UBE2K: variants seen among roughly 807,000 people sequenced by gnomAD.
UBE2K encodes the protein ubiquitin conjugating enzyme E2 K.
In UBE2K, 6 loss-of-function variants were observed where a neutral mutation model predicts 30.0. That is an observed-to-expected ratio of 0.20 (90% CI 0.11 to 0.39). The LOEUF (loss-of-function observed/expected upper bound fraction) is 0.39, where lower values mean the gene tolerates loss of function less well. Ranked by LOEUF, UBE2K falls within the 10% of genes least tolerant of loss-of-function variation. The pLI, the probability that UBE2K is intolerant of heterozygous loss-of-function variation, is 1.00. For missense variants in UBE2K, 61 were observed against 241.6 expected, an observed-to-expected ratio of 0.25 and a Z score of 4.96; for synonymous variants, 86 against 83.7, an observed-to-expected ratio of 1.03 and a Z score of -0.15.
chr4:39,769,304 T>TA (rs1417704878), intron 4 of UBE2K, among the ~76,000 whole-genome samples: 4 of 151,236 alleles, frequency 2.6e-5, no homozygotes, highest in African/African-American at 7.3e-5. Flanking sequence ...GAAAAAATCC[T>TA]AAAAAATGTT....
intron 4 of UBE2K, chr4:39,770,039 T>A: frequency 2.0e-6 from 3 of 1,468,440 alleles, no homozygotes; most frequent in Non-Finnish European, 2.7e-6. Context: ...TTTCCCCACC[T>A]AGCCCAGGGA....
intron 4 of UBE2K, chr4:39,770,652 T>C: frequency 1.9e-6 from 3 of 1,592,382 alleles, no homozygotes; most frequent in Non-Finnish European, 2.6e-6. Context: ...ATAGCAGGCC[T>C]TCACCACACC....
intron 1 of UBE2K, among the ~76,000 whole-genome samples, chr4:39,699,070 AT>A (rs1298914080): frequency 6.6e-6 from 1 of 152,238 alleles, no homozygotes. Context: ...TAACCCCCAA[AT>A]TCCTAGGCCT....
chr4:39,772,997 CT>C (rs34603997), intron 4 of UBE2K, among the ~76,000 whole-genome samples: 125,282 of 151,788 alleles, frequency 0.83, 52,217 homozygotes, highest in African/African-American at 0.93. Context: ...AGTGAGACAA[CT>C]TTTTTTAACA....
chr4:39,777,184 T>G (rs1713330081), intron 5 of UBE2K, among the ~76,000 whole-genome samples: 1 of 152,222 alleles, frequency 6.6e-6, no homozygotes, highest in Non-Finnish European at 1.5e-5. Context: ...GTTAGGACTT[T>G]GCATGTGGGG....
intron 1 of UBE2K, among the ~76,000 whole-genome samples, chr4:39,710,597 T>G (rs1471673090): frequency 6.6e-6 from 1 of 152,016 alleles, no homozygotes. Flanking sequence ...TATGGCAGCT[T>G]TATGGGATTG....
Position 39,698,220 on chromosome 4 carries a change from C to T in UBE2K, c.-108C>T. On this transcript the variant is annotated 5_prime_UTR_variant, in exon 1 of 7. Coordinates refer to ENST00000261427, the MANE Select transcript of UBE2K (RefSeq NM_005339.5). ...GTGGTAGTGGCAGTGTTCGTGTGCTCAGGTCTGAATCGCCGAGGGAGGAGG... is the reference window on the plus strand; with the variant it reads ...GTGGTAGTGGCAGTGTTCGTGTGCTTAGGTCTGAATCGCCGAGGGAGGAGG... 1.9e-6 allele frequency: 2 copies of T among 1,076,518 alleles called. No homozygotes were observed. The highest frequency in any genetic ancestry group is 2.8e-6 in the Non-Finnish European group (2 of 713,952). 66.7% of individuals were successfully genotyped at this position (1,076,518 alleles called of 1,614,324 possible).
At chr4:39,715,471 T>C (rs1719010380) in intron 1 of UBE2K, among the ~76,000 whole-genome samples, 1 of 152,028 alleles carries the variant, frequency 6.6e-6, no homozygotes. Flanking sequence ...CATGCCCGTC[T>C]GCTTTTTTGT....
chr4:39,772,153 G>A (rs376797912), intron 4 of UBE2K, among the ~76,000 whole-genome samples: 6 of 152,154 alleles, frequency 3.9e-5, no homozygotes, highest in Admixed American at 1.3e-4. Flanking sequence ...AACTTTTATC[G>A]TAGGCATCTA....
intron 4 of UBE2K, among the ~76,000 whole-genome samples, chr4:39,763,339 C>A (rs977741842): frequency 6.6e-6 from 1 of 151,608 alleles, no homozygotes; most frequent in African/African-American, 2.4e-5. Context: ...GCAACCTCCA[C>A]CTCCCGGGTG....
chr4:39,753,802 A>G (rs763805307), intron 3 of UBE2K, among the ~76,000 whole-genome samples: 2 of 152,190 alleles, frequency 1.3e-5, no homozygotes, highest in African/African-American at 2.4e-5. Flanking sequence ...TTGAGATTTC[A>G]GGAGTAGTCT....
At chr4:39,725,401 A>AAC (rs1719696500) in intron 1 of UBE2K, among the ~76,000 whole-genome samples, 1 of 150,430 alleles carries the variant, frequency 6.6e-6, no homozygotes, top group African/African-American at 2.5e-5. Context: ...AAAAAAAAAA[A>AAC]AAAAACACCT....
intron 2 of UBE2K, among the ~76,000 whole-genome samples, chr4:39,738,356 A>C (rs1720492588): frequency 6.6e-6 from 1 of 152,362 alleles, no homozygotes; most frequent in South Asian, 2.1e-4. Flanking sequence ...AAACAAGTTA[A>C]GAGAAGTAAC....
At chr4:39,767,584 A>G (rs1578499066) in intron 4 of UBE2K, among the ~76,000 whole-genome samples, 1 of 151,956 alleles carries the variant, frequency 6.6e-6, no homozygotes, top group South Asian at 2.1e-4. Context: ...CGGCCTCCCA[A>G]AGTGTTGGGA....
At chr4:39,759,697 AAC>A (rs1365066366) in intron 4 of UBE2K, among the ~76,000 whole-genome samples, 1 of 152,202 alleles carries the variant, frequency 6.6e-6, no homozygotes, top group Non-Finnish European at 1.5e-5. Context: ...AGAAAATGGC[AAC>A]ACATAAAAAT....
intron 1 of UBE2K, among the ~76,000 whole-genome samples, chr4:39,719,811 A>G (rs531050139): frequency 2.6e-5 from 4 of 152,204 alleles, no homozygotes; most frequent in Non-Finnish European, 5.9e-5. Context: ...GTTGTATAGA[A>G]TATAGCACAG....
intron 3 of UBE2K, among the ~76,000 whole-genome samples, chr4:39,749,770 A>G (rs887960857): frequency 2.0e-5 from 3 of 152,266 alleles, no homozygotes; most frequent in African/African-American, 7.2e-5. Context: ...ATACATACCA[A>G]TGCTAATAAT....
chr4:39,735,787 T>C (rs886633420), intron 1 of UBE2K, among the ~76,000 whole-genome samples: 1 of 152,212 alleles, frequency 6.6e-6, no homozygotes, highest in East Asian at 1.9e-4. Flanking sequence ...TTATTGTACA[T>C]ATTTATAGTT....
chr4:39,738,879 C>T (rs567133427), intron 2 of UBE2K, among the ~76,000 whole-genome samples: 2 of 152,118 alleles, frequency 1.3e-5, no homozygotes, highest in East Asian at 1.9e-4. Flanking sequence ...TTCACAATAA[C>T]GGCCAGGCTG....
Sources: gnomAD v4.1 joint callset for allele counts (sites outside exome capture counted in the v4.1 genomes callset) on GRCh38, gnomAD v4.1.1 for gene constraint, MANE v1.5 for transcripts, NCBI Gene and HGNC (gene_info 2026-07-23, HGNC 2026-07-21) for gene names.